IFT43: variants seen among roughly 807,000 people sequenced by gnomAD.
IFT43 encodes the protein intraflagellar transport protein 43 homolog.
A neutral mutation model predicts 32.3 loss-of-function variants in IFT43; 33 were observed. The observed-to-expected ratio is 1.02, with a 90% CI of 0.77 to 1.37. The LOEUF is 1.37. Ranked by LOEUF, IFT43 falls within the 40% of genes most tolerant of loss-of-function variation. The pLI is 0.00. For missense variants in IFT43, 274 were observed against 265.9 expected, an observed-to-expected ratio of 1.03 and a Z score of -0.21; for synonymous variants, 93 against 98.2, an observed-to-expected ratio of 0.95 and a Z score of 0.31.
intron 3 of IFT43, among the ~76,000 whole-genome samples, chr14:76,036,003 G>A (rs1209779388): frequency 6.6e-6 from 1 of 152,228 alleles, no homozygotes; most frequent in Non-Finnish European, 1.5e-5. Flanking sequence ...ACCTATGGAT[G>A]TGAACACGCT....
chr14:75,990,575 G>A (rs544166414), intron 2 of IFT43, among the ~76,000 whole-genome samples: 2 of 152,322 alleles, frequency 1.3e-5, no homozygotes, highest in South Asian at 4.1e-4. Flanking sequence ...TACATAGTGT[G>A]TGATGTACTT....
rs892389272 is a variant in IFT43 at position 76,017,786 on chromosome 14, T to C, written c.148-4541T>C. On this transcript the variant is annotated intron_variant, in intron 2 of 8. Coordinates refer to ENST00000314067, the MANE Select transcript of IFT43 (RefSeq NM_001102564.3). ...TTCCTGGTTCAATCTTGGTAGGTTG[T>C]ACGTGTCCAGGAATTTGTCCATTTC... Among the ~76,000 whole-genome samples, 3 of 152,288 alleles carry C rather than the reference T, an allele frequency of 2.0e-5. No homozygotes were observed. The South Asian group carries it at 6.2e-4, about 32-fold the overall frequency.
intron 5 of IFT43, 137 bp from the exon 6 acceptor site, chr14:76,082,158 T>C: frequency 1.2e-6 from 1 of 802,862 alleles, no homozygotes; most frequent in Non-Finnish European, 2.2e-6. Flanking sequence ...CTACCCCTAG[T>C]TTGTATCTGA....
chr14:76,038,696 C>T (rs563023602), intron 3 of IFT43, among the ~76,000 whole-genome samples: 2 of 152,138 alleles, frequency 1.3e-5, no homozygotes, highest in Admixed American at 6.5e-5. Flanking sequence ...CTGTGTACAT[C>T]GAAATAACTA....
chr14:76,030,769 C>T (rs991223052), intron 3 of IFT43, among the ~76,000 whole-genome samples: 19 of 152,080 alleles, frequency 1.2e-4, no homozygotes, highest in African/African-American at 4.6e-4. Flanking sequence ...TACACAATTA[C>T]ATTCACTTGT....
intron 3 of IFT43, among the ~76,000 whole-genome samples, chr14:76,056,931 G>C (rs925872791): frequency 5.3e-5 from 8 of 152,188 alleles, no homozygotes; most frequent in African/African-American, 1.9e-4. Flanking sequence ...GGGATGCCCT[G>C]GGCACCCTGC....
intron 5 of IFT43, among the ~76,000 whole-genome samples, chr14:76,062,252 A>G (rs1023826497): frequency 1.8e-4 from 28 of 151,592 alleles, no homozygotes; most frequent in Admixed American, 1.1e-3. Context: ...TTGTATTTTT[A>G]ATAGAGACAG....
intron 3 of IFT43, among the ~76,000 whole-genome samples, chr14:76,023,587 T>C (rs1392981275): frequency 4.6e-5 from 7 of 152,242 alleles, no homozygotes; most frequent in African/African-American, 1.7e-4. Flanking sequence ...AGATGTTGGC[T>C]ATTATCATGA....
intron 1 of IFT43, chr14:75,986,131 C>A: frequency 1.4e-6 from 2 of 1,393,128 alleles, no homozygotes; most frequent in South Asian, 2.4e-5. Flanking sequence ...TCTAGAGCCC[C>A]GAGTGCGAAC....
chr14:76,065,899 A>G (rs2037217824), intron 5 of IFT43, among the ~76,000 whole-genome samples: 1 of 152,256 alleles, frequency 6.6e-6, no homozygotes, highest in African/African-American at 2.4e-5. Context: ...GACTACAGGC[A>G]TATGCCACTG....
At chr14:76,027,056 GAAC>G (rs1335379062) in intron 3 of IFT43, among the ~76,000 whole-genome samples, 2 of 152,062 alleles carry the variant, frequency 1.3e-5, no homozygotes, top group Admixed American at 1.3e-4. Flanking sequence ...ACATAGAGGA[GAAC>G]AACACACATT....
chr14:76,012,067 T>C (rs1371885127), intron 2 of IFT43, among the ~76,000 whole-genome samples: 2 of 152,188 alleles, frequency 1.3e-5, no homozygotes, highest in Non-Finnish European at 2.9e-5. Context: ...GGAAGATGGA[T>C]ATGTGTGAAG....
chr14:76,083,972 G>C, downstream of IFT43: 2 of 460,058 alleles, frequency 4.3e-6, no homozygotes, highest in Non-Finnish European at 8.7e-6. Context: ...CCCTTCCCGT[G>C]GGTGCTCTGG....
At chr14:76,068,414 T>A (rs1294217232) in intron 5 of IFT43, among the ~76,000 whole-genome samples, 1 of 152,204 alleles carries the variant, frequency 6.6e-6, no homozygotes, top group Non-Finnish European at 1.5e-5. Flanking sequence ...CTGCTTTTGA[T>A]TAAGTTATGA....
chr14:76,001,399 A>T, intron 2 of IFT43, among the ~76,000 whole-genome samples: 1 of 152,186 alleles, frequency 6.6e-6, no homozygotes, highest in Admixed American at 6.5e-5. Flanking sequence ...ATGACTCCTG[A>T]TTGGAACCTA....
intron 3 of IFT43, among the ~76,000 whole-genome samples, chr14:76,026,974 T>C (rs930741828): frequency 3.9e-5 from 6 of 152,168 alleles, no homozygotes; most frequent in African/African-American, 1.4e-4. Flanking sequence ...AGCAAACTAA[T>C]GTAGGAACAG....
rs535080487 is a variant in IFT43, at chr14:76,073,577, GTGTGTGTGTGCGCATGTGCACACATCTC to G, written c.296-8707_296-8680del. The stretch of plus-strand genomic sequence containing the variant: ...CTTTCTGAACATTCAGAGATGTCCG[GTGTGTGTGTGCGCATGTGCACACATCTC>G]TGTGTGTGTGTACTTGTCTATATAC... On this transcript the variant is annotated intron_variant, in intron 5 of 8. Transcript: ENST00000314067. Among the ~76,000 whole-genome samples, 13 of 152,188 alleles carry G rather than the reference GTGTGTGTGTGCGCATGTGCACACATCTC, an allele frequency of 8.5e-5. No homozygotes were observed. The East Asian group carries it at 2.1e-3, about 25-fold the overall frequency.
intron 5 of IFT43, among the ~76,000 whole-genome samples, chr14:76,069,864 CACCCCCACTGGAGAGGGCT>C (rs1162754932): frequency 5.2e-4 from 79 of 152,310 alleles, no homozygotes; most frequent in African/African-American, 1.9e-3. Flanking sequence ...GGGCATGCCT[CACCCCCACTGGAGAGGGCT>C]GTGCTCCTTT....
At chr14:76,011,829 G>C (rs781087842) in intron 2 of IFT43, among the ~76,000 whole-genome samples, 7 of 152,172 alleles carry the variant, frequency 4.6e-5, no homozygotes, top group Non-Finnish European at 1.0e-4. Flanking sequence ...TGAGGCAGGA[G>C]GAAGAAACTG....
Sources: gnomAD v4.1 joint callset for allele counts (sites outside exome capture counted in the v4.1 genomes callset) on GRCh38, gnomAD v4.1.1 for gene constraint, MANE v1.5 for transcripts, NCBI Gene and HGNC (gene_info 2026-07-23, HGNC 2026-07-21) for gene names.